The following CSDE1 variants were observed in gnomAD, a reference collection of about 807,000 sequenced individuals.
The protein encoded by CSDE1 is cold shock domain-containing protein E1.
Under a neutral mutation model 89.3 loss-of-function variants are expected in CSDE1, and 17 were observed. The ratio of observed to expected loss-of-function variants is 0.19; its 90% CI spans 0.13 to 0.29. The LOEUF (loss-of-function observed/expected upper bound fraction) is 0.29. Among genes scored for constraint, CSDE1 ranks in the 10% least tolerant of loss-of-function variants. The pLI is 1.00. For missense variants in CSDE1, 672 were observed against 984.2 expected (o/e 0.68, Z 4.24); for synonymous variants, 322 against 332.8 (o/e 0.97, Z 0.35).
chr1:114,728,044 T>G (rs191521578), intron 12 of CSDE1, among the ~76,000 whole-genome samples: 69 of 152,288 alleles, frequency 4.5e-4, no homozygotes, highest in South Asian at 1.2e-3. Flanking sequence ...CTTCTACCAA[T>G]CACATTCCTT....
intron 18 of CSDE1, 141 bp downstream of exon 18, chr1:114,719,438 G>A: frequency 1.1e-6 from 1 of 889,468 alleles, no homozygotes; most frequent in Non-Finnish European, 1.6e-6. Context: ...CAATCTTTTT[G>A]TATTCAACTA....
In CSDE1 at chr1:114,718,698, T is replaced by A. The variant is rs377114291; in HGVS notation, c.2264A>T (p.Asn755Ile). The A allele has an allele frequency of 4.3e-6, 7 of 1,614,090 alleles. No homozygotes were observed. The African/African-American group carries it at 8.0e-5, about 18-fold the overall frequency. ...ATCCAGAGTGATATTCTTCAAGCGATTGACCAACCGATCAGGTCGAGGAGC... is the reference window on the plus strand; with the variant it reads ...ATCCAGAGTGATATTCTTCAAGCGAATGACCAACCGATCAGGTCGAGGAGC... ...VAAPRPDRLV[N>I]RLKNITLDDA... The change falls in exon 19 of 20, where the codon AAT (asparagine) becomes ATT (isoleucine). Residue 755 changes from asparagine to isoleucine, a missense_variant. Coordinates refer to ENST00000358528, the MANE Select transcript of CSDE1 (RefSeq NM_001007553.3).
At chr1:114,722,274 G>C (rs1295363187) in intron 16 of CSDE1, among the ~76,000 whole-genome samples, 1 of 152,200 alleles carries the variant, frequency 6.6e-6, no homozygotes, top group Non-Finnish European at 1.5e-5. Context: ...ATTAGAGGAA[G>C]CTGGTCTGAC....
chr1:114,718,527 G>C (rs1465887949), intron 19 of CSDE1, 86 bp downstream of exon 19: 2 of 1,517,692 alleles, frequency 1.3e-6, no homozygotes, highest in African/African-American at 2.8e-5. Flanking sequence ...GCTTCATTAA[G>C]TTTCCTGACC....
chr1:114,749,024 A>G (rs893676946), intron 2 of CSDE1, among the ~76,000 whole-genome samples: 11 of 152,240 alleles, frequency 7.2e-5, no homozygotes, highest in African/African-American at 2.7e-4. Context: ...TACTCTGTTC[A>G]TAATGAACAA....
At chr1:114,734,798 A>G (rs929957142) in intron 6 of CSDE1, among the ~76,000 whole-genome samples, 4 of 152,240 alleles carry the variant, frequency 2.6e-5, no homozygotes, top group African/African-American at 4.8e-5. Context: ...ACAAACTTAC[A>G]CATGGGTGCG....
At chr1:114,741,758 G>A in intron 2 of CSDE1, 4 of 1,013,720 alleles carry the variant, frequency 3.9e-6, no homozygotes, top group South Asian at 3.6e-5. Flanking sequence ...TTTTAGCTTG[G>A]GTTTAGCGAA....
chr1:114,735,519 T>A (rs1307980006), intron 6 of CSDE1, among the ~76,000 whole-genome samples: 1 of 152,184 alleles, frequency 6.6e-6, no homozygotes, highest in Non-Finnish European at 1.5e-5. Flanking sequence ...ATGAAGAAAC[T>A]TACCAGGTAA....
At chr1:114,724,069 G>A in intron 15 of CSDE1, 67 bp from the exon 16 acceptor site, 10 of 1,531,562 alleles carry the variant, frequency 6.5e-6, no homozygotes, top group Admixed American at 5.8e-5. Context: ...AGACAAGTAA[G>A]CAAAAAATAA....
At chr1:114,718,830 C>A in intron 18 of CSDE1, 85 bp from the exon 19 acceptor site, 1 of 1,478,888 alleles carries the variant, frequency 6.8e-7, no homozygotes, top group South Asian at 1.3e-5. Context: ...TTCCACCTAA[C>A]TGCCCAAATG....
chr1:114,742,964 A>G (rs760425517), intron 2 of CSDE1, among the ~76,000 whole-genome samples: 1 of 152,176 alleles, frequency 6.6e-6, no homozygotes, highest in Non-Finnish European at 1.5e-5. Flanking sequence ...CATTTTTCCT[A>G]TTTGTACCAC....
At position 114,734,335 on chromosome 1, in the gene CSDE1, T is replaced by C. The variant is rs1169413112; in HGVS notation, c.582+107A>G. 5.2e-6 allele frequency: 6 copies of C among 1,145,522 alleles called. No individual in the cohort carries two copies. In the East Asian group the frequency reaches 1.5e-4, roughly 29 times the overall value. The allele number at this position is 1,145,522 out of a possible 1,614,324, so 71.0% of individuals were successfully genotyped here. A position where few individuals can be genotyped will look rare whatever the true frequency, so the allele number is the denominator to read the frequency against. ...ACTTTTGAGGTTAACAGTGAAATAT[T>C]TTAAAAGGGTAAGATAAAAAAGAAA... is the stretch of plus-strand genomic sequence containing the variant. On this transcript the variant is annotated intron_variant, in intron 7 of 19. Transcript: ENST00000358528.
At chr1:114,747,677 G>C (rs1227566579) in intron 2 of CSDE1, among the ~76,000 whole-genome samples, 1 of 152,076 alleles carries the variant, frequency 6.6e-6, no homozygotes, top group Admixed American at 6.6e-5. Context: ...GGCCAACACG[G>C]TGAAACCCCG....
intron 18 of CSDE1, among the ~76,000 whole-genome samples, chr1:114,719,100 C>A (rs984460330): frequency 6.6e-6 from 1 of 152,008 alleles, no homozygotes. Flanking sequence ...ACACTTGAGC[C>A]CAGAAGTTCG....
chr1:114,726,154 C>A, intron 14 of CSDE1, 57 bp downstream of exon 14: 1 of 1,492,318 alleles, frequency 6.7e-7, no homozygotes. Flanking sequence ...TTTTTTATTC[C>A]AACACCAAAG....
chr1:114,718,558 A>G, intron 19 of CSDE1, 55 bp downstream of exon 19: 3 of 1,580,386 alleles, frequency 1.9e-6, no homozygotes, highest in Non-Finnish European at 2.6e-6. Flanking sequence ...ATAGGACCAC[A>G]TATTTTATGT....
intron 16 of CSDE1, among the ~76,000 whole-genome samples, chr1:114,723,092 C>T (rs551207512): frequency 5.1e-4 from 78 of 152,154 alleles, no homozygotes; most frequent in Admixed American, 9.2e-4. Context: ...CTCCTGGCCT[C>T]GTGATCCGCC....
chr1:114,740,324 ACT>A lies in CSDE1; in HGVS notation c.1-436_1-435del, dbSNP rs527739708. On this transcript the variant is annotated intron_variant, in intron 2 of 19. Coordinates refer to ENST00000358528, the MANE Select transcript of CSDE1 (RefSeq NM_001007553.3). ...TTGAAACTTCAGCCAATACCTTAAT[ACT>A]GTTTAGTAAGTCATGCATTTGGAAG... 3.7e-4 allele frequency among the ~76,000 whole-genome samples: 56 copies of A among 152,360 alleles called. No homozygotes were observed. In the South Asian group the frequency reaches 0.012, roughly 32 times the overall value.
chr1:114,742,598 C>T (rs958563315), intron 2 of CSDE1, among the ~76,000 whole-genome samples: 2 of 151,850 alleles, frequency 1.3e-5, no homozygotes, highest in African/African-American at 2.4e-5. Context: ...ACAAAAAAGC[C>T]CAAATAGACA....
Sources: allele counts gnomAD v4.1 joint callset (sites outside exome capture counted in the v4.1 genomes callset), GRCh38; gene constraint gnomAD v4.1.1; transcripts MANE v1.5; gene names NCBI Gene and HGNC (gene_info 2026-07-23, HGNC 2026-07-21).